IVD: variants seen among roughly 807,000 people sequenced by gnomAD.
IVD encodes the protein isovaleryl-CoA dehydrogenase.
Under a neutral mutation model 51.3 loss-of-function variants are expected in IVD, and 31 were observed. The ratio of observed to expected loss-of-function variants is 0.60; its 90% CI spans 0.45 to 0.81. The LOEUF (loss-of-function observed/expected upper bound fraction) is 0.81. Among genes scored for constraint, IVD ranks in the 40% least tolerant of loss-of-function variants. The probability of loss-of-function intolerance (pLI) is 0.00; values close to 1 mark genes in which losing one functional copy is unlikely to be tolerated. For synonymous variants in IVD, 205 were observed against 219.4 expected (o/e 0.93, Z 0.58); for missense variants, 475 against 552.0 (o/e 0.86, Z 1.40).
Position 40,407,632 on chromosome 15 carries a change from T to G in IVD, c.145-4T>G, listed in dbSNP as rs772608015. 1 of 1,613,084 alleles carries G rather than the reference T, an allele frequency of 6.2e-7. No individual in the cohort carries two copies. The highest frequency in any genetic ancestry group is 8.5e-7 in the Non-Finnish European group (1 of 1,179,036). ...GTGGCATCTGTTTACCTCTCTCCTATTAGCTTCGTCAGACCATGGCTAAGT... is the reference window on the plus strand; with the variant it reads ...GTGGCATCTGTTTACCTCTCTCCTAGTAGCTTCGTCAGACCATGGCTAAGT... On this transcript the variant is annotated splice_region_variant and splice_polypyrimidine_tract_variant and intron_variant, in intron 1 of 11. Coordinates refer to ENST00000487418, the MANE Select transcript of IVD (RefSeq NM_002225.5).
downstream of IVD, among the ~76,000 whole-genome samples, chr15:40,425,516 T>C (rs1224499819): frequency 6.6e-6 from 1 of 151,398 alleles, no homozygotes; most frequent in African/African-American, 2.4e-5. Context: ...TTTTGTTTTC[T>C]TGTTTTCTTG....
intron 5 of IVD, 49 bp downstream of exon 5, chr15:40,411,402 T>C (rs9635325): frequency 6.2e-7 from 1 of 1,604,258 alleles, no homozygotes; most frequent in East Asian, 2.2e-5. Context: ...GGTACAGACA[T>C]TATCAGGATA....
At position 40,420,377 on chromosome 15, in the gene IVD, C is replaced by G. The variant is rs1056328692; in HGVS notation, c.*2114C>G. On this transcript the variant is annotated 3_prime_UTR_variant, in exon 12 of 12. Coordinates refer to ENST00000487418, the MANE Select transcript of IVD (RefSeq NM_002225.5). ...CTGCCTGTGTACATTTCTCCAGATA[C>G]CCTATGGCTAATTTTGTTATAACTG... is the stretch of plus-strand genomic sequence containing the variant. The G allele has an allele frequency of 2.4e-5, 24 of 987,550 alleles. No homozygotes were observed. Among genetic ancestry groups the G allele is most frequent in the Non-Finnish European group, 2.8e-5 (23 of 830,140 alleles). The allele number at this position is 987,550 out of a possible 1,614,324, so 61.2% of individuals were successfully genotyped here. A position where few individuals can be genotyped will look rare whatever the true frequency, so the allele number is the denominator to read the frequency against.
chr15:40,421,155 GCTGGAGAGACCAGC>G lies in IVD; in HGVS notation c.*2900_*2913del. ...GGCCATCTTGCTGGCTTAATGTGTG[GCTGGAGAGACCAGC>G]CTGGAGACAATGTGGCAAAATGGGG... On this transcript the variant is annotated 3_prime_UTR_variant, in exon 12 of 12. Transcript: ENST00000487418. 1 of 985,520 alleles carries G rather than the reference GCTGGAGAGACCAGC, an allele frequency of 1.0e-6. No individual in the cohort carries two copies. The highest frequency in any genetic ancestry group is 1.2e-6 in the Non-Finnish European group (1 of 829,984). 61.0% of individuals were successfully genotyped at this position (985,520 alleles called of 1,614,324 possible). A position where few individuals can be genotyped will look rare whatever the true frequency, so the allele number is the denominator to read the frequency against.
In IVD at chr15:40,420,464, C is replaced by G; in HGVS notation, c.*2201C>G. 1.0e-6 allele frequency: 1 copy of G among 987,680 alleles called. No individual in the cohort carries two copies. The highest frequency in any genetic ancestry group is 1.2e-6 in the Non-Finnish European group (1 of 830,124). 61.2% of individuals were successfully genotyped at this position (987,680 alleles called of 1,614,324 possible). A position where few individuals can be genotyped will look rare whatever the true frequency, so the allele number is the denominator to read the frequency against. Reference sequence around the variant, plus strand: ...TGAAACAAACCTATCTGGGGAGAAGCAATCTACTTGCCGCTGCTTCCTGTC... The same window carrying G: ...TGAAACAAACCTATCTGGGGAGAAGGAATCTACTTGCCGCTGCTTCCTGTC... On this transcript the variant is annotated 3_prime_UTR_variant, in exon 12 of 12. Coordinates refer to ENST00000487418, the MANE Select transcript of IVD (RefSeq NM_002225.5).
rs757351801 is a variant in IVD at position 40,415,480 on chromosome 15, C to G, written c.958C>G (p.Gln320Glu). The change falls in exon 9 of 12, where the codon CAG (glutamine) becomes GAG (glutamate). Residue 320 changes from glutamine (Q) to glutamate (E), a missense_variant and splice_region_variant. Coordinates refer to ENST00000487418, the MANE Select transcript of IVD (RefSeq NM_002225.5). Reference sequence around the variant, plus strand: ...CTTTGGCCAGAAGATCGGCCACTTCCAGGTGAGCCGAGTGCTTTTGCTGAC... The same window carrying G: ...CTTTGGCCAGAAGATCGGCCACTTCGAGGTGAGCCGAGTGCTTTTGCTGAC... ...EAFGQKIGHF[Q>E]LMQGKMADMY... 2.5e-6 allele frequency: 4 copies of G among 1,613,714 alleles called. No individual in the cohort carries two copies. Among genetic ancestry groups the G allele is most frequent in the Non-Finnish European group, 3.4e-6 (4 of 1,179,680 alleles).
intron 11 of IVD, 41 bp downstream of exon 11, chr15:40,416,403 C>T: frequency 6.3e-7 from 1 of 1,584,642 alleles, no homozygotes; most frequent in East Asian, 2.2e-5. Context: ...CTCCCTCACT[C>T]CTGGGGCCTG....
intron 11 of IVD, among the ~76,000 whole-genome samples, chr15:40,416,941 T>G (rs1345442811): frequency 6.6e-6 from 1 of 152,078 alleles, no homozygotes; most frequent in Admixed American, 6.5e-5. Context: ...GGCTCACACC[T>G]GTAATTCCAA....
In IVD at chr15:40,420,724, GA is replaced by G; in HGVS notation, c.*2462del. 4 of 985,982 alleles carry G rather than the reference GA, an allele frequency of 4.1e-6. No individual in the cohort carries two copies. The highest frequency in any genetic ancestry group is 4.8e-6 in the Non-Finnish European group (4 of 830,094). 61.1% of individuals were successfully genotyped at this position (985,982 alleles called of 1,614,324 possible). The stretch of plus-strand genomic sequence containing the variant: ...AAAACCGCCCCTTTGTTTTTAAAAA[GA>G]TCAACACAATTTGACTTTCTCAAGG... On this transcript the variant is annotated 3_prime_UTR_variant, in exon 12 of 12. Transcript: ENST00000487418.
Position 40,435,476 on chromosome 15 carries a change from TC to T in IVD, c.843del (p.Leu282TrpfsTer4). ...GGAGGGCGAGACCCGAGGTCAGACG[TC>T]CCTGGAGCAGGTGAGCACTGCGAGG... On this transcript the variant is annotated frameshift_variant, in exon 9 of 9. Transcript: ENST00000473112. LOFTEE classifies it low-confidence loss of function (END_TRUNC). 2 of 1,252,156 alleles carry T rather than the reference TC, an allele frequency of 1.6e-6. No individual in the cohort carries two copies. Among genetic ancestry groups the T allele is most frequent in the Non-Finnish European group, 2.1e-6 (2 of 965,526 alleles). 77.6% of individuals were successfully genotyped at this position (1,252,156 alleles called of 1,614,324 possible).
downstream of IVD, among the ~76,000 whole-genome samples, chr15:40,428,910 C>A (rs1892819485): frequency 1.3e-5 from 2 of 152,150 alleles, no homozygotes; most frequent in African/African-American, 4.8e-5. Context: ...CCTCAGAGCT[C>A]ACATTGTGTG....
chr15:40,426,036 C>T (rs993110001), downstream of IVD, among the ~76,000 whole-genome samples: 1 of 151,382 alleles, frequency 6.6e-6, no homozygotes, highest in Non-Finnish European at 1.5e-5. Flanking sequence ...GTCTCCTGAG[C>T]TCAAGCCATC....
At chr15:40,435,051 A>G (rs1356594380) in intron 8 of IVD, among the ~76,000 whole-genome samples, 1 of 152,208 alleles carries the variant, frequency 6.6e-6, no homozygotes, top group East Asian at 1.9e-4. Flanking sequence ...TCAATTTCCT[A>G]ATTTGTGAAA....
intron 7 of IVD, chr15:40,414,637 G>A: frequency 4.2e-6 from 2 of 475,974 alleles, no homozygotes; most frequent in Non-Finnish European, 7.6e-6. Flanking sequence ...TCCAGAGAGG[G>A]AAGGGAAAGA....
At position 40,415,247 on chromosome 15, in the gene IVD, G is replaced by A. The variant is rs556207632; in HGVS notation, c.879-154G>A. 19 of 784,452 alleles carry A rather than the reference G, an allele frequency of 2.4e-5. No individual in the cohort carries two copies. In the African/African-American group the frequency reaches 3.2e-4, roughly 13 times the overall value. The allele number at this position is 784,452 out of a possible 1,614,324, so 48.6% of individuals were successfully genotyped here. ...ACGACACCTGGGCTGTCACGCCCCT[G>A]CACCTCTGGCCAGTCAGTGCCGTAA... On this transcript the variant is annotated intron_variant, in intron 8 of 11. Coordinates refer to ENST00000487418, the MANE Select transcript of IVD (RefSeq NM_002225.5).
At chr15:40,421,350 C>A, downstream of IVD, 2 of 985,430 alleles carry the variant, frequency 2.0e-6, no homozygotes, top group Non-Finnish European at 1.2e-6. Context: ...AGGGGCACGT[C>A]TACTTTGGTT....
Position 40,420,375 on chromosome 15 carries a change from T to TA in IVD, c.*2113dup. On this transcript the variant is annotated 3_prime_UTR_variant, in exon 12 of 12. Transcript: ENST00000487418. ...GGCTGCCTGTGTACATTTCTCCAGA[T>TA]ACCCTATGGCTAATTTTGTTATAAC... 1.0e-6 allele frequency: 1 copy of TA among 987,670 alleles called. No individual in the cohort carries two copies. Among genetic ancestry groups the TA allele is most frequent in the African/African-American group, 1.7e-5 (1 of 57,454 alleles). 61.2% of individuals were successfully genotyped at this position (987,670 alleles called of 1,614,324 possible).
In IVD at chr15:40,409,004, G is replaced by A. The variant is rs186941508; in HGVS notation, c.286+1014G>A. On this transcript the variant is annotated intron_variant, in intron 3 of 11. Coordinates refer to ENST00000487418, the MANE Select transcript of IVD (RefSeq NM_002225.5). The stretch of plus-strand genomic sequence containing the variant: ...GTATTCACTCTGGGCATGAGAGTAT[G>A]AGTGGAACCCAATATACTTCTCCTT... 2.6e-4 allele frequency among the ~76,000 whole-genome samples: 39 copies of A among 152,218 alleles called. No individual in the cohort carries two copies. In the East Asian group the frequency reaches 7.4e-3, roughly 29 times the overall value.
At chr15:40,415,588 G>T in intron 9 of IVD, 106 bp downstream of exon 9, 1 of 935,918 alleles carries the variant, frequency 1.1e-6, no homozygotes. Context: ...GTCTCCTCTA[G>T]CAAATTGAGC....
Sources: gnomAD v4.1 joint callset for allele counts (sites outside exome capture counted in the v4.1 genomes callset) on GRCh38, gnomAD v4.1.1 for gene constraint, MANE v1.5 for transcripts, NCBI Gene and HGNC (gene_info 2026-07-23, HGNC 2026-07-21) for gene names.